Variants in KIF9 observed in about 807,000 individuals in gnomAD.
The protein encoded by KIF9 is kinesin-like protein KIF9.
KIF9 carries 68 observed loss-of-function variants against 94.8 expected under a neutral mutation model. The ratio of observed to expected loss-of-function variants is 0.72; its 90% CI spans 0.59 to 0.88. KIF9 has a LOEUF of 0.88. KIF9 is among the 40% of genes least tolerant of loss of function. The probability of loss-of-function intolerance (pLI) is 0.00; values close to 1 mark genes in which losing one functional copy is unlikely to be tolerated. For missense variants in KIF9, 882 were observed against 982.5 expected (o/e 0.90, Z 1.37); for synonymous variants, 343 against 362.1 (o/e 0.95, Z 0.60).
In KIF9 at chr3:47,235,507, A is replaced by T; in HGVS notation, c.2322+6T>A. On this transcript the variant is annotated splice_donor_region_variant and intron_variant, in intron 20 of 20. Transcript: ENST00000684063. ...ATCCTCCTGGAGACATAGGCCTCTG[A>T]GTTACCTTCTGCTCTATCTTGACTT... 2 of 1,602,712 alleles carry T rather than the reference A, an allele frequency of 1.2e-6. No individual in the cohort carries two copies. The highest frequency in any genetic ancestry group is 1.7e-6 in the Non-Finnish European group (2 of 1,169,560).
chr3:47,245,486 T>C lies in KIF9; in HGVS notation c.1315A>G (p.Thr439Ala). 1.9e-6 allele frequency: 3 copies of C among 1,613,850 alleles called. No homozygotes were observed. Among genetic ancestry groups the C allele is most frequent in the Non-Finnish European group, 2.5e-6 (3 of 1,179,954 alleles). ...LSQQEQEVESTLRRKYTLIDR... is the reference protein window; with the variant it reads ...LSQQEQEVESALRRKYTLIDR... ...ATGAGGGTGTACTTCCTGCGCAAAG[T>C]GGACTCCACTTCCTGTTCCTGTTGG... Residue 439 changes from threonine (T) to alanine (A), a missense_variant, in exon 14 of 21, where the codon ACT becomes GCT. Coordinates refer to ENST00000684063, the MANE Select transcript of KIF9 (RefSeq NM_182902.4).
At chr3:47,277,254 C>T in intron 2 of KIF9, 28 bp downstream of exon 2, 1 of 1,536,078 alleles carries the variant, frequency 6.5e-7, no homozygotes, top group Non-Finnish European at 9.0e-7. Context: ...GAGGCCCAGT[C>T]AGTTGAAGGC....
chr3:47,271,250 C>G lies in KIF9; in HGVS notation c.578G>C (p.Ser193Thr). The change falls in exon 5 of 21, where the codon AGC becomes ACC. Residue 193 changes from serine (S) to threonine (T), a missense_variant. Coordinates refer to ENST00000684063, the MANE Select transcript of KIF9 (RefSeq NM_182902.4). Reference sequence around the variant, plus strand: ...TTATTATCTCACCTCAAAAAGGAGGCTGAATGCATCCTCCTCCTGACTTGT... The same window carrying G: ...TTATTATCTCACCTCAAAAAGGAGGGTGAATGCATCCTCCTCCTGACTTGT... ...HLTSQEEDAF[S>T]LLFEGETNRI... is the part of the protein sequence containing the mutation. The G allele has an allele frequency of 6.2e-7, 1 of 1,611,456 alleles. No homozygotes were observed. Among genetic ancestry groups the G allele is most frequent in the Middle Eastern group, 1.7e-4 (1 of 5,884 alleles).
At chr3:47,282,446 C>T in intron 1 of KIF9, 49 bp downstream of exon 1, 7 of 986,782 alleles carry the variant, frequency 7.1e-6, no homozygotes, top group Non-Finnish European at 8.4e-6. Context: ...TCCGGGCGCA[C>T]ACCCTTTTCC....
chr3:47,247,628 C>A, intron 11 of KIF9, 151 bp from the exon 12 acceptor site: 1 of 657,174 alleles, frequency 1.5e-6, no homozygotes, highest in Non-Finnish European at 2.8e-6. Context: ...CGGGTCCTGC[C>A]AGAGGGCCTG....
intron 20 of KIF9, 36 bp downstream of exon 20, chr3:47,235,476 GC>G (rs1467644418): frequency 7.1e-7 from 1 of 1,403,456 alleles, no homozygotes. Context: ...AGTCACTGAG[GC>G]CCCCATCCTC....
Position 47,282,767 on chromosome 3 carries a change from G to T in KIF9, c.-278C>A. 1 of 1,428,760 alleles carries T rather than the reference G, an allele frequency of 7.0e-7. No individual in the cohort carries two copies. Among genetic ancestry groups the T allele is most frequent in the Non-Finnish European group, 9.1e-7 (1 of 1,095,400 alleles). 88.5% of individuals were successfully genotyped at this position (1,428,760 alleles called of 1,614,324 possible). A position where few individuals can be genotyped will look rare whatever the true frequency, so the allele number is the denominator to read the frequency against. ...CATGCGAAGTCAAGGTCGAGATAGC[G>T]AGGGAACGAAGGCCGCACATGAACC... is the stretch of plus-strand genomic sequence containing the variant. On this transcript the variant is annotated 5_prime_UTR_variant, in exon 1 of 21. Coordinates refer to ENST00000684063, the MANE Select transcript of KIF9 (RefSeq NM_182902.4).
chr3:47,245,180 T>A, intron 14 of KIF9: 1 of 601,782 alleles, frequency 1.7e-6, no homozygotes, highest in Admixed American at 2.9e-5. Flanking sequence ...TAAAGCTTAT[T>A]TCCAACCTAA....
intron 10 of KIF9, among the ~76,000 whole-genome samples, chr3:47,251,925 A>G (rs1474471882): frequency 2.0e-5 from 3 of 152,190 alleles, no homozygotes; most frequent in African/African-American, 7.2e-5. Flanking sequence ...CCTTGTTCAC[A>G]GAGGACGACC....
chr3:47,249,510 T>C (rs1372104791), intron 10 of KIF9, among the ~76,000 whole-genome samples: 2 of 152,224 alleles, frequency 1.3e-5, no homozygotes, highest in Non-Finnish European at 2.9e-5. Context: ...CATATATTTA[T>C]GTCCTCATAG....
chr3:47,282,350 C>G (rs930359325), intron 1 of KIF9, 145 bp downstream of exon 1: 1 of 985,882 alleles, frequency 1.0e-6, no homozygotes, highest in Non-Finnish European at 1.2e-6. Flanking sequence ...GACGTCGAGC[C>G]CTCCTTCGCC....
At position 47,265,868 on chromosome 3, in the gene KIF9, G is replaced by T. The variant is rs1444987121; in HGVS notation, c.778C>A (p.Gln260Lys). The change falls in exon 8 of 21, where the codon CAA becomes AAA. Residue 260 changes from glutamine to lysine, a missense_variant. By Grantham distance (53) the Gln-to-Lys change is moderately conservative (BLOSUM62 1). Coordinates refer to ENST00000684063, the MANE Select transcript of KIF9 (RefSeq NM_182902.4). ...ATGTAGGTGGCTTCCTTCAGGACTT[G>T]GCCCTCAGACTACAAAGCAAAGGTC... Reference protein sequence around the residue: ...ERLGKSGSEGQVLKEATYINK... With the variant: ...ERLGKSGSEGKVLKEATYINK... 6.2e-7 allele frequency: 1 copy of T among 1,614,110 alleles called. No homozygotes were observed. The highest frequency in any genetic ancestry group is 8.5e-7 in the Non-Finnish European group (1 of 1,180,044).
chr3:47,238,048 G>A (rs1003451947), intron 17 of KIF9, among the ~76,000 whole-genome samples: 4 of 152,164 alleles, frequency 2.6e-5, no homozygotes, highest in Non-Finnish European at 4.4e-5. Flanking sequence ...GGAAGAAAAA[G>A]AGTTGAATTT....
intron 2 of KIF9, 108 bp from the exon 3 acceptor site, chr3:47,275,598 T>G: frequency 1.2e-6 from 1 of 809,884 alleles, no homozygotes; most frequent in Non-Finnish European, 2.0e-6. Flanking sequence ...GGAAATGAAC[T>G]GTAGGATGAA....
intron 20 of KIF9, 109 bp from the exon 21 acceptor site, chr3:47,228,811 T>C (rs1698341219): frequency 5.9e-6 from 5 of 852,082 alleles, no homozygotes; most frequent in Admixed American, 3.5e-5. Context: ...GCAAACATCA[T>C]GGGTTGTGGA....
intron 5 of KIF9, among the ~76,000 whole-genome samples, chr3:47,270,766 C>A (rs1200529916): frequency 1.3e-5 from 2 of 151,064 alleles, no homozygotes; most frequent in Admixed American, 6.6e-5. Flanking sequence ...AAATAAAATT[C>A]TTTTTTGTTC....
intron 14 of KIF9, 43 bp downstream of exon 14, chr3:47,245,378 A>G: frequency 6.9e-7 from 1 of 1,445,298 alleles, no homozygotes; most frequent in Non-Finnish European, 9.7e-7. Flanking sequence ...TGAGGATGGG[A>G]AATCTGAGGT....
chr3:47,238,856 G>C (rs1046737370), intron 17 of KIF9, among the ~76,000 whole-genome samples: 6 of 151,854 alleles, frequency 4.0e-5, no homozygotes, highest in African/African-American at 1.5e-4. Flanking sequence ...GTAGAGACAG[G>C]GTTTCACCGT....
rs1299127725 is a variant in KIF9, at chr3:47,243,096, T to G, written c.1664A>C (p.Glu555Ala). Residue 555 changes from glutamate to alanine, a missense_variant, in exon 16 of 21, where the codon GAG becomes GCG. Physicochemically the swap from Glu to Ala is moderately radical, Grantham distance 107 (BLOSUM62 -1). Transcript: ENST00000684063. Reference protein sequence around the residue: ...LSRDRETSSIEPLPSDSPKEE... With the variant: ...LSRDRETSSIAPLPSDSPKEE... Reference sequence around the variant, plus strand: ...CTTCGGGGAGTCTGAGGGAAGGGGCTCAATGCTGGAAGTTTCCCGGTCCCG... The same window carrying G: ...CTTCGGGGAGTCTGAGGGAAGGGGCGCAATGCTGGAAGTTTCCCGGTCCCG... 1 of 1,613,586 alleles carries G rather than the reference T, an allele frequency of 6.2e-7. No individual in the cohort carries two copies. Among genetic ancestry groups the G allele is most frequent in the East Asian group, 2.2e-5 (1 of 44,888 alleles).
Sources: gnomAD v4.1 joint callset for allele counts (sites outside exome capture counted in the v4.1 genomes callset) on GRCh38, gnomAD v4.1.1 for gene constraint, MANE v1.5 for transcripts, NCBI Gene and HGNC (gene_info 2026-07-23, HGNC 2026-07-21) for gene names.